Variants in PIKFYVE observed in about 807,000 individuals in gnomAD.
The protein encoded by PIKFYVE is 1-phosphatidylinositol 3-phosphate 5-kinase.
A neutral mutation model predicts 257.9 loss-of-function variants in PIKFYVE; 122 were observed. That is an observed-to-expected ratio of 0.47 (90% confidence interval 0.41 to 0.55). The LOEUF is 0.55. Among genes scored for constraint, PIKFYVE ranks in the 20% least tolerant of loss-of-function variants. The probability of loss-of-function intolerance (pLI) is 0.00; values close to 1 mark genes in which losing one functional copy is unlikely to be tolerated. For synonymous variants in PIKFYVE, 892 were observed against 868.9 expected (o/e 1.03, Z -0.47); for missense variants, 2,160 against 2,536.6 (o/e 0.85, Z 3.19).
chr2:208,269,641 A>C (rs529820726), intron 1 of PIKFYVE: 1 of 257,064 alleles, frequency 3.9e-6, no homozygotes. Flanking sequence ...CAGGACCTTC[A>C]TCACCTTGGC....
intron 4 of PIKFYVE, 38 bp downstream of exon 4, chr2:208,276,868 G>C (rs761141736): frequency 1.3e-6 from 2 of 1,523,032 alleles, no homozygotes; most frequent in Non-Finnish European, 1.8e-6. Context: ...CTTATTAAGC[G>C]CTTATGGGGA....
Position 208,272,561 on chromosome 2 carries a change from T to C in PIKFYVE, c.172+870T>C, listed in dbSNP as rs554174529. 8.1e-4 allele frequency among the ~76,000 whole-genome samples: 124 copies of C among 152,344 alleles called. 1 individual carries two copies. Among genetic ancestry groups the C allele is most frequent in the Middle Eastern group, 3.4e-3 (1 of 294 alleles). On this transcript the variant is annotated intron_variant, in intron 2 of 41. Coordinates refer to ENST00000264380, the MANE Select transcript of PIKFYVE (RefSeq NM_015040.4). The stretch of plus-strand genomic sequence containing the variant: ...TAAAATGAGCTCTTTTTAAGTAATA[T>C]GTCTTTTACTTGGGACAAGAATTAA...
In PIKFYVE at chr2:208,329,833, C is replaced by T. The variant is rs374416669; in HGVS notation, c.3720-9C>T. 17 of 1,610,264 alleles carry T rather than the reference C, an allele frequency of 1.1e-5. No homozygotes were observed. The African/African-American group carries it at 1.1e-4, about 10-fold the overall frequency. On this transcript the variant is annotated splice_polypyrimidine_tract_variant and intron_variant, in intron 21 of 41. Transcript: ENST00000264380. ...TTCTTATGTTTCTAAGAGGTGGTCT[C>T]TTCTTTAGGATTGTAACAATGGAAT... is the stretch of plus-strand genomic sequence containing the variant.
intron 7 of PIKFYVE, among the ~76,000 whole-genome samples, chr2:208,296,265 A>G (rs999707102): frequency 1.6e-4 from 25 of 152,162 alleles, no homozygotes; most frequent in African/African-American, 4.8e-4. Flanking sequence ...TCGGCCTCCC[A>G]AAGTGCTGGG....
At chr2:208,273,150 C>CAAAAT (rs1574395819) in intron 2 of PIKFYVE, among the ~76,000 whole-genome samples, 1 of 152,164 alleles carries the variant, frequency 6.6e-6, no homozygotes, top group East Asian at 1.9e-4. Context: ...AGTAAACAGA[C>CAAAAT]CCAAAAAATC....
chr2:208,340,157 C>A, intron 31 of PIKFYVE, 26 bp downstream of exon 31: 1 of 1,612,980 alleles, frequency 6.2e-7, no homozygotes, highest in Non-Finnish European at 8.5e-7. Context: ...ACCAGTGGCT[C>A]TTAGCAGGGG....
intron 9 of PIKFYVE, 130 bp from the exon 10 acceptor site, chr2:208,302,112 A>G: frequency 1.3e-6 from 1 of 767,104 alleles, no homozygotes; most frequent in South Asian, 1.5e-5. Flanking sequence ...TCCTTTACTT[A>G]TCCAAGGGCC....
rs571329275 is a variant in PIKFYVE at position 208,337,196 on chromosome 2, C to A, written c.4611+268C>A. Among the ~76,000 whole-genome samples, 4 of 152,226 alleles carry A rather than the reference C, an allele frequency of 2.6e-5. No homozygotes were observed. In the East Asian group the frequency reaches 7.7e-4, roughly 29 times the overall value. ...ATCACTGAGGGTAGCATCATGGTGA[C>A]AGCAAGTGCTACAGAGGAAAGTCAG... is the stretch of plus-strand genomic sequence containing the variant. On this transcript the variant is annotated intron_variant, in intron 28 of 41. Coordinates refer to ENST00000264380, the MANE Select transcript of PIKFYVE (RefSeq NM_015040.4).
At chr2:208,285,600 C>A in intron 5 of PIKFYVE, 126 bp from the exon 6 acceptor site, 1 of 790,606 alleles carries the variant, frequency 1.3e-6, no homozygotes, top group Non-Finnish European at 2.2e-6. Flanking sequence ...AGAGTCTGTA[C>A]TTGAAGACAT....
At chr2:208,273,779 T>C in intron 3 of PIKFYVE, 46 bp downstream of exon 3, 1 of 1,606,466 alleles carries the variant, frequency 6.2e-7, no homozygotes, top group Admixed American at 1.7e-5. Flanking sequence ...GCTAGATTTT[T>C]CCACAGTCAT....
At position 208,315,330 on chromosome 2, in the gene PIKFYVE, A is replaced by G; in HGVS notation, c.1964A>G (p.Gln655Arg). The change falls in exon 15 of 42, where the codon CAG becomes CGG. Residue 655 changes from glutamine to arginine, a missense_variant. Gln to Arg is a conservative substitution (Grantham distance 43). Around this residue, in one of 12 missense-constraint regions of PIKFYVE, gnomAD observed 346 missense variants for 365.6 expected, o/e 0.95. Transcript: ENST00000264380. Reference sequence around the variant, plus strand: ...ACAGTCCGACCTGATGTCAAGAACCAGGATGATGACATGGATATCCGTCAG... The same window carrying G: ...ACAGTCCGACCTGATGTCAAGAACCGGGATGATGACATGGATATCCGTCAG... The part of the protein sequence containing the change: ...VQTVRPDVKN[Q>R]DDDMDIRQFV... 1 of 1,614,224 alleles carries G rather than the reference A, an allele frequency of 6.2e-7. No homozygotes were observed. Among genetic ancestry groups the G allele is most frequent in the South Asian group, 1.1e-5 (1 of 91,090 alleles).
intron 12 of PIKFYVE, among the ~76,000 whole-genome samples, chr2:208,308,290 A>C (rs1360818864): frequency 6.6e-6 from 1 of 151,710 alleles, no homozygotes; most frequent in Non-Finnish European, 1.5e-5. Context: ...GGTCCCAGCT[A>C]TTTGGGAGGC....
Position 208,294,762 on chromosome 2 carries a change from TC to T in PIKFYVE, c.912-3878del, listed in dbSNP as rs145162987. 1.4e-3 allele frequency among the ~76,000 whole-genome samples: 209 copies of T among 152,270 alleles called. 4 individuals carry two copies. In the East Asian group the frequency reaches 0.037, roughly 27 times the overall value. On this transcript the variant is annotated intron_variant, in intron 7 of 41. Coordinates refer to ENST00000264380, the MANE Select transcript of PIKFYVE (RefSeq NM_015040.4). ...TTCCTTCTCCCTGGGTAGGTTAAGCTCTGATATAACTCCAGCAGGTTAGGCT... is the reference window on the plus strand; with the variant it reads ...TTCCTTCTCCCTGGGTAGGTTAAGCTTGATATAACTCCAGCAGGTTAGGCT...
rs537296280 is a variant in PIKFYVE at position 208,357,360 on chromosome 2, G to A, written c.*2055G>A. 1.2e-4 allele frequency: 18 copies of A among 152,318 alleles called. No homozygotes were observed. The highest frequency in any genetic ancestry group is 4.3e-4 in the African/African-American group (18 of 41,570). 9.4% of individuals were successfully genotyped at this position (152,318 alleles called of 1,614,324 possible). A position where few individuals can be genotyped will look rare whatever the true frequency, so the allele number is the denominator to read the frequency against. ...GTCATGAGCACTTGAAGTACAAGGT[G>A]TCTCCCCCTAGGTGCAATTAGGTTG... On this transcript the variant is annotated 3_prime_UTR_variant, in exon 42 of 42. Transcript: ENST00000264380.
At chr2:208,348,361 G>A (rs1433261680) in intron 35 of PIKFYVE, among the ~76,000 whole-genome samples, 1 of 152,158 alleles carries the variant, frequency 6.6e-6, no homozygotes. Flanking sequence ...ATACTCAAAT[G>A]TTTTCATTCC....
At chr2:208,323,255 C>T (rs1159426249) in intron 17 of PIKFYVE, among the ~76,000 whole-genome samples, 1 of 119,670 alleles carries the variant, frequency 8.4e-6, no homozygotes, top group Non-Finnish European at 1.8e-5. Context: ...TGCTATTCCT[C>T]CCCCCTCCCC....
At chr2:208,319,685 C>T (rs973684196) in intron 16 of PIKFYVE, among the ~76,000 whole-genome samples, 3 of 152,148 alleles carry the variant, frequency 2.0e-5, no homozygotes, top group Admixed American at 6.6e-5. Context: ...TTTAAGCACA[C>T]GATTAGGGTA....
chr2:208,326,889 TTAACTA>T (rs1377037427), intron 20 of PIKFYVE, among the ~76,000 whole-genome samples: 1 of 152,186 alleles, frequency 6.6e-6, no homozygotes, highest in African/African-American at 2.4e-5. Flanking sequence ...ACCTTGTTAT[TTAACTA>T]TGACAGTGAT....
At chr2:208,315,891 A>C (rs1437505297) in intron 15 of PIKFYVE, among the ~76,000 whole-genome samples, 2 of 147,810 alleles carry the variant, frequency 1.4e-5, no homozygotes, top group African/African-American at 2.5e-5. Context: ...AATTATTATT[A>C]TACTTTAAGT....
Sources: gnomAD v4.1 joint callset for allele counts (sites outside exome capture counted in the v4.1 genomes callset) on GRCh38, gnomAD v4.1.1 for gene constraint, gnomAD v4.1.1 regional missense constraint, MANE v1.5 for transcripts, NCBI Gene and HGNC (gene_info 2026-07-23, HGNC 2026-07-21) for gene names.